The following CPA6 variants were observed in gnomAD, a reference collection of about 807,000 sequenced individuals.
CPA6 encodes the protein carboxypeptidase A6, also known as carboxypeptidase B.
In CPA6, 58 loss-of-function variants were observed where a neutral mutation model predicts 63.3. That is an observed-to-expected ratio of 0.92 (90% confidence interval 0.74 to 1.14). The LOEUF is 1.14. Among genes scored for constraint, CPA6 ranks in the 50% most tolerant of loss-of-function variants. The probability of loss-of-function intolerance (pLI) is 0.00; values close to 1 mark genes in which losing one functional copy is unlikely to be tolerated. For missense variants in CPA6, 565 were observed against 526.6 expected (o/e 1.07, Z -0.71); for synonymous variants, 185 against 179.0 (o/e 1.03, Z -0.27).
At chr8:67,576,376 G>T (rs1026932369) in intron 2 of CPA6, among the ~76,000 whole-genome samples, 3 of 152,148 alleles carry the variant, frequency 2.0e-5, no homozygotes, top group African/African-American at 7.2e-5. Context: ...ATCAGGTCAA[G>T]ATGTGCTAGC....
At chr8:67,560,996 G>A (rs1045899571) in intron 2 of CPA6, among the ~76,000 whole-genome samples, 2 of 152,096 alleles carry the variant, frequency 1.3e-5, no homozygotes, top group African/African-American at 4.8e-5. Context: ...AAATGTTGAT[G>A]ATTCTATCTA....
chr8:67,594,903 C>G (rs924847122), intron 2 of CPA6, among the ~76,000 whole-genome samples: 4 of 152,232 alleles, frequency 2.6e-5, no homozygotes, highest in African/African-American at 9.6e-5. Context: ...CTCCGTCCAG[C>G]TTTGCTCCAT....
intron 1 of CPA6, among the ~76,000 whole-genome samples, chr8:67,633,575 G>A (rs1815393736): frequency 6.6e-6 from 1 of 151,930 alleles, no homozygotes; most frequent in Non-Finnish European, 1.5e-5. Flanking sequence ...CAGCTACTCG[G>A]GAGGCTGAGG....
chr8:67,651,997 T>G (rs894198550), intron 1 of CPA6, among the ~76,000 whole-genome samples: 8 of 151,784 alleles, frequency 5.3e-5, no homozygotes, highest in South Asian at 2.1e-4. Context: ...GCGGTGTTTG[T>G]TTTTTTGTCC....
intron 1 of CPA6, among the ~76,000 whole-genome samples, chr8:67,684,057 T>TA (rs1816656732): frequency 7.0e-6 from 1 of 142,648 alleles, no homozygotes; most frequent in Non-Finnish European, 1.5e-5. Flanking sequence ...ATTTATTTAT[T>TA]TTTTTTTTTT....
intron 2 of CPA6, among the ~76,000 whole-genome samples, chr8:67,552,387 T>C (rs897771557): frequency 6.6e-6 from 1 of 152,202 alleles, no homozygotes; most frequent in African/African-American, 2.4e-5. Context: ...TTTAGCAGAC[T>C]ATGTGCTGAG....
At chr8:67,516,046 A>G (rs1189766835) in intron 3 of CPA6, among the ~76,000 whole-genome samples, 6 of 152,162 alleles carry the variant, frequency 3.9e-5, no homozygotes, top group Admixed American at 3.9e-4. Flanking sequence ...TATTTCACTG[A>G]GGACCTCAAC....
intron 1 of CPA6, among the ~76,000 whole-genome samples, chr8:67,645,398 C>T (rs778174417): frequency 3.9e-5 from 6 of 152,112 alleles, no homozygotes; most frequent in African/African-American, 9.7e-5. Flanking sequence ...TTGAAGATCA[C>T]GGCATGAATT....
intron 1 of CPA6, among the ~76,000 whole-genome samples, chr8:67,659,380 C>G (rs1360267526): frequency 6.6e-6 from 1 of 152,200 alleles, no homozygotes; most frequent in Non-Finnish European, 1.5e-5. Flanking sequence ...ATGCGTAACT[C>G]AGCACTACAC....
intron 2 of CPA6, among the ~76,000 whole-genome samples, chr8:67,588,255 G>A (rs1244644536): frequency 1.3e-5 from 2 of 152,148 alleles, no homozygotes; most frequent in Non-Finnish European, 2.9e-5. Flanking sequence ...AGTACAAGGT[G>A]AATTAGTCAC....
At chr8:67,622,182 C>T (rs772559915) in intron 2 of CPA6, among the ~76,000 whole-genome samples, 2 of 152,208 alleles carry the variant, frequency 1.3e-5, no homozygotes, top group Non-Finnish European at 2.9e-5. Flanking sequence ...TTCAGAATAT[C>T]TGTTCCCTAA....
intron 3 of CPA6, among the ~76,000 whole-genome samples, chr8:67,517,375 C>T (rs1234683655): frequency 6.6e-6 from 1 of 152,218 alleles, no homozygotes; most frequent in African/African-American, 2.4e-5. Flanking sequence ...GCCCCACTAA[C>T]ATGTGCCTCC....
chr8:67,436,644 CT>C (rs1316331357), intron 8 of CPA6, among the ~76,000 whole-genome samples: 1 of 151,814 alleles, frequency 6.6e-6, no homozygotes, highest in African/African-American at 2.4e-5. Flanking sequence ...GTTATGAAAT[CT>C]TCAAAACAAA....
intron 1 of CPA6, among the ~76,000 whole-genome samples, chr8:67,660,322 G>GTTTTTTTTTTTT (rs869189030): frequency 2.7e-5 from 2 of 73,908 alleles, no homozygotes; most frequent in Non-Finnish European, 4.6e-5. Flanking sequence ...ATTATTGCAG[G>GTTTTTTTTTTTT]TTTTTTTTTT....
rs1172705991 is a variant in CPA6 at position 67,565,319 on chromosome 8, G to T, written c.193-47272C>A. On this transcript the variant is annotated intron_variant, in intron 2 of 10. Coordinates refer to ENST00000297770, the MANE Select transcript of CPA6 (RefSeq NM_020361.5). ...AGAAAGAAAAAGAGGATAATGGGAC[G>T]CAGAAAAACAAAAATGACAAGAAAC... Among the ~76,000 whole-genome samples, 3 of 152,028 alleles carry T rather than the reference G, an allele frequency of 2.0e-5. No individual in the cohort carries two copies. In the South Asian group the frequency reaches 6.2e-4, roughly 32 times the overall value.
At position 67,713,562 on chromosome 8, in the gene CPA6, G is replaced by C. The variant is rs866571570; in HGVS notation, c.116+32452C>G. ...AAACCTCTCCCTGCTCTAGCAATTAGGCTTAGTAGAACTTGGAATACACAC... is the reference window on the plus strand; with the variant it reads ...AAACCTCTCCCTGCTCTAGCAATTACGCTTAGTAGAACTTGGAATACACAC... On this transcript the variant is annotated intron_variant, in intron 1 of 10. Coordinates refer to ENST00000297770, the MANE Select transcript of CPA6 (RefSeq NM_020361.5). Among the ~76,000 whole-genome samples, 3 of 152,268 alleles carry C rather than the reference G, an allele frequency of 2.0e-5. No homozygotes were observed. The Middle Eastern group carries it at 0.01, about 518-fold the overall frequency.
chr8:67,618,209 C>A (rs968084496), intron 2 of CPA6, among the ~76,000 whole-genome samples: 1 of 152,340 alleles, frequency 6.6e-6, no homozygotes, highest in South Asian at 2.1e-4. Context: ...AGGGATCCTA[C>A]AATCACACGA....
At chr8:67,460,079 G>A (rs1810766905) in intron 8 of CPA6, among the ~76,000 whole-genome samples, 1 of 152,134 alleles carries the variant, frequency 6.6e-6, no homozygotes, top group South Asian at 2.1e-4. Context: ...TCCTTCCTCT[G>A]GGAGCGTGAC....
intron 8 of CPA6, among the ~76,000 whole-genome samples, chr8:67,450,529 T>C (rs1420925439): frequency 1.3e-5 from 2 of 152,232 alleles, no homozygotes; most frequent in Non-Finnish European, 2.9e-5. Context: ...TCTTTTATCC[T>C]TTTTAAGGAG....
Sources: allele counts gnomAD v4.1 joint callset (sites outside exome capture counted in the v4.1 genomes callset), GRCh38; gene constraint gnomAD v4.1.1; transcripts MANE v1.5; gene names NCBI Gene and HGNC (gene_info 2026-07-23, HGNC 2026-07-21).